Variants in CHRNA5 observed in about 807,000 individuals in gnomAD.
CHRNA5 encodes neuronal acetylcholine receptor subunit alpha-5.
In CHRNA5, 28 loss-of-function variants were observed where a neutral mutation model predicts 41.2. That is an observed-to-expected ratio of 0.68 (90% CI 0.50 to 0.93). The LOEUF (loss-of-function observed/expected upper bound fraction) is 0.93, where lower values mean the gene tolerates loss of function less well. Among genes scored for constraint, CHRNA5 ranks in the 40% least tolerant of loss-of-function variants. The pLI is 0.00. For synonymous variants in CHRNA5, 188 were observed against 205.8 expected (o/e 0.91, Z 0.74); for missense variants, 481 against 581.9 (o/e 0.83, Z 1.78).
In CHRNA5 at chr15:78,565,852, G is replaced by A. The variant is rs1351120210; in HGVS notation, c.106+27G>A. Reference sequence around the variant, plus strand: ...TAAGCCCGGGCTGCAGAGGGGCGGGGCGGGAGCTGGCCCGGACTCCACATC... The same window carrying A: ...TAAGCCCGGGCTGCAGAGGGGCGGGACGGGAGCTGGCCCGGACTCCACATC... On this transcript the variant is annotated intron_variant, in intron 1 of 5. Transcript: ENST00000299565. The A allele has an allele frequency of 1.5e-5, 18 of 1,190,328 alleles. No individual in the cohort carries two copies. The South Asian group carries it at 5.5e-4, about 36-fold the overall frequency. The allele number at this position is 1,190,328 out of a possible 1,614,324, so 73.7% of individuals were successfully genotyped here. A position where few individuals can be genotyped will look rare whatever the true frequency, so the allele number is the denominator to read the frequency against.
At chr15:78,583,294 A>T (rs2052929750) in intron 2 of CHRNA5, among the ~76,000 whole-genome samples, 1 of 152,226 alleles carries the variant, frequency 6.6e-6, no homozygotes. Context: ...ATGAAAGGCA[A>T]GTTAGAAGAC....
At chr15:78,586,402 T>C (rs2052962097) in intron 2 of CHRNA5, among the ~76,000 whole-genome samples, 1 of 152,202 alleles carries the variant, frequency 6.6e-6, no homozygotes, top group Non-Finnish European at 1.5e-5. Flanking sequence ...TGATTAATGT[T>C]AAATGCAAAA....
chr15:78,589,664 T>C (rs1298034279), intron 4 of CHRNA5, 141 bp from the exon 5 acceptor site: 3 of 660,756 alleles, frequency 4.5e-6, no homozygotes, highest in Non-Finnish European at 7.6e-6. Flanking sequence ...ATGTAGCACG[T>C]ATATCTTATC....
intron 1 of CHRNA5, among the ~76,000 whole-genome samples, chr15:78,566,840 G>A (rs1264208759): frequency 6.6e-6 from 1 of 152,148 alleles, no homozygotes; most frequent in Non-Finnish European, 1.5e-5. Flanking sequence ...GAAAATCCTG[G>A]GCAGAGAGAG....
At chr15:78,581,163 CTGTT>C (rs1218121171) in intron 2 of CHRNA5, among the ~76,000 whole-genome samples, 3 of 152,212 alleles carry the variant, frequency 2.0e-5, no homozygotes, top group Non-Finnish European at 4.4e-5. Context: ...AGTTTAGAAA[CTGTT>C]TATCTCAATT....
At chr15:78,573,109 C>T (rs143951301) in intron 1 of CHRNA5, among the ~76,000 whole-genome samples, 1 of 152,324 alleles carries the variant, frequency 6.6e-6, no homozygotes, top group African/African-American at 2.4e-5. Flanking sequence ...TTTGCTCCCC[C>T]TCACCAACAT....
exon 6 of CHRNA5, chr15:78,594,954 G>A (rs2053075910): frequency 6.6e-6 from 1 of 152,190 alleles, no homozygotes; most frequent in African/African-American, 2.4e-5. Context: ...CACTTCAGGT[G>A]TGACCAGGTA....
intron 2 of CHRNA5, among the ~76,000 whole-genome samples, chr15:78,584,533 T>C (rs1409668754): frequency 1.3e-5 from 2 of 152,258 alleles, no homozygotes; most frequent in Admixed American, 6.5e-5. Context: ...GCGGTATCCC[T>C]TATGGTAATG....
exon 1 of CHRNA5, chr15:78,565,593 C>T (rs868150762): frequency 5.1e-5 from 12 of 233,548 alleles, no homozygotes; most frequent in Non-Finnish European, 9.5e-5. Context: ...CGCGGAGCGG[C>T]CCCTCTGCTG....
intron 5 of CHRNA5, among the ~76,000 whole-genome samples, chr15:78,592,297 G>A (rs1309557267): frequency 2.0e-5 from 3 of 152,200 alleles, no homozygotes; most frequent in Non-Finnish European, 4.4e-5. Flanking sequence ...ACTCCAGCCT[G>A]GGGGACGGAG....
chr15:78,578,431 TGGGAG>T (rs1022086403), intron 1 of CHRNA5, among the ~76,000 whole-genome samples: 2 of 152,046 alleles, frequency 1.3e-5, no homozygotes, highest in Non-Finnish European at 2.9e-5. Context: ...CACTTGAACC[TGGGAG>T]GTGGAGGTTG....
chr15:78,567,858 G>A (rs894302590), intron 1 of CHRNA5, among the ~76,000 whole-genome samples: 6 of 152,214 alleles, frequency 3.9e-5, no homozygotes, highest in African/African-American at 1.4e-4. Context: ...AATGGATGAT[G>A]TAATTGCACA....
intron 2 of CHRNA5, among the ~76,000 whole-genome samples, chr15:78,584,437 T>G (rs1442100633): frequency 1.3e-5 from 2 of 152,264 alleles, no homozygotes; most frequent in African/African-American, 2.4e-5. Flanking sequence ...TACATTTATC[T>G]GTCCTCAGTT....
intron 1 of CHRNA5, 28 bp from the exon 2 acceptor site, chr15:78,580,783 C>T (rs1315804687): frequency 3.2e-6 from 5 of 1,583,704 alleles, no homozygotes; most frequent in South Asian, 2.2e-5. Context: ...GAAGCGAGTA[C>T]ATTAACTTTT....
chr15:78,589,758 T>G (rs67896919), intron 4 of CHRNA5, 47 bp from the exon 5 acceptor site: 4 of 1,369,108 alleles, frequency 2.9e-6, no homozygotes, highest in Non-Finnish European at 3.0e-6. Context: ...ACAATTCATG[T>G]GCATTGTTTA....
At chr15:78,593,375 T>C in exon 6 of CHRNA5, 2 of 948,826 alleles carry the variant, frequency 2.1e-6, no homozygotes, top group Non-Finnish European at 3.0e-6. Flanking sequence ...ACTAAGTTGC[T>C]AACCTCAATT....
At chr15:78,590,034 A>G (rs1483907535) in exon 5 of CHRNA5, 2 of 1,613,962 alleles carry the variant, frequency 1.2e-6, no homozygotes, top group Non-Finnish European at 1.7e-6. Context: ...TTTTTTTGAT[A>G]ATGGAGAATG....
chr15:78,569,502 C>G (rs985772191), intron 1 of CHRNA5, among the ~76,000 whole-genome samples: 2 of 146,170 alleles, frequency 1.4e-5, no homozygotes, highest in Non-Finnish European at 3.0e-5. Context: ...GGTGCAATCT[C>G]GGCTCACTGC....
intron 5 of CHRNA5, chr15:78,591,073 T>A (rs761939349): frequency 6.3e-6 from 1 of 159,620 alleles, no homozygotes; most frequent in African/African-American, 2.4e-5. Context: ...AATGGAGTTA[T>A]CAAAAGTTCT....
Sources: allele counts gnomAD v4.1 joint callset (sites outside exome capture counted in the v4.1 genomes callset), GRCh38; gene constraint gnomAD v4.1.1; transcripts MANE v1.5; gene names NCBI Gene and HGNC (gene_info 2026-07-23, HGNC 2026-07-21).